The following PRDM11 variants were observed in gnomAD, a reference collection of about 807,000 sequenced individuals.
PRDM11 encodes PR/SET domain 11.
PRDM11 carries 20 observed loss-of-function variants against 97.8 expected under a neutral mutation model. The ratio of observed to expected loss-of-function variants is 0.20; its 90% CI spans 0.14 to 0.30. PRDM11 has a LOEUF of 0.30. PRDM11 is among the 10% of genes least tolerant of loss of function. The probability of loss-of-function intolerance (pLI) is 1.00; values close to 1 mark genes in which losing one functional copy is unlikely to be tolerated. For missense variants in PRDM11, 1,139 were observed against 1,555.2 expected, an observed-to-expected ratio of 0.73 and a Z score of 4.50; for synonymous variants, 599 against 637.7, an observed-to-expected ratio of 0.94 and a Z score of 0.91.
In PRDM11 at chr11:45,167,524, T is replaced by C. The variant is rs549103903; in HGVS notation, c.-6-14237T>C. 7.2e-5 allele frequency among the ~76,000 whole-genome samples: 11 copies of C among 152,310 alleles called. No individual in the cohort carries two copies. The South Asian group carries it at 2.3e-3, about 32-fold the overall frequency. ...GTGTTGCACCAGAAGAACTCAGGGCTGAGGGCTCAGCAGCTTTTGTAGCAA... is the reference window on the plus strand; with the variant it reads ...GTGTTGCACCAGAAGAACTCAGGGCCGAGGGCTCAGCAGCTTTTGTAGCAA... On this transcript the variant is annotated intron_variant, in intron 1 of 7. Transcript: ENST00000683152.
At chr11:45,096,293 A>G (rs567007163) in intron 1 of PRDM11, among the ~76,000 whole-genome samples, 2 of 152,340 alleles carry the variant, frequency 1.3e-5, no homozygotes, top group African/African-American at 4.8e-5. Context: ...GTGGAAATGA[A>G]AGGACTAGAA....
chr11:45,166,988 A>G lies in PRDM11; in HGVS notation c.-6-14773A>G, dbSNP rs570302718. ...CATCTCATTCTTTGTTTACTTCTTTATTGCTCAGCCCAGCTCATTCATATT... is the reference window on the plus strand; with the variant it reads ...CATCTCATTCTTTGTTTACTTCTTTGTTGCTCAGCCCAGCTCATTCATATT... On this transcript the variant is annotated intron_variant, in intron 1 of 7. Coordinates refer to ENST00000683152, the MANE Select transcript of PRDM11 (RefSeq NM_001384648.1). 1.4e-4 allele frequency among the ~76,000 whole-genome samples: 21 copies of G among 152,256 alleles called. No homozygotes were observed. In the South Asian group the frequency reaches 4.4e-3, roughly 32 times the overall value.
intron 1 of PRDM11, among the ~76,000 whole-genome samples, chr11:45,157,517 A>G (rs1418129375): frequency 2.0e-5 from 3 of 152,130 alleles, no homozygotes; most frequent in African/African-American, 7.2e-5. Context: ...TCCGTGGTCC[A>G]GGGGTTGGGG....
chr11:45,183,169 T>G, intron 4 of PRDM11, 46 bp downstream of exon 4: 1 of 1,573,044 alleles, frequency 6.4e-7, no homozygotes, highest in Non-Finnish European at 8.6e-7. Flanking sequence ...CCAAGAAACA[T>G]GGAAGGAAAC....
At chr11:45,100,840 C>T (rs1259015549) in intron 1 of PRDM11, among the ~76,000 whole-genome samples, 2 of 152,148 alleles carry the variant, frequency 1.3e-5, no homozygotes, top group Non-Finnish European at 2.9e-5. Context: ...TGCACAATAA[C>T]CAGCTTGAGG....
chr11:45,150,424 G>A (rs994466972), intron 1 of PRDM11, among the ~76,000 whole-genome samples: 1 of 152,196 alleles, frequency 6.6e-6, no homozygotes, highest in Admixed American at 6.5e-5. Context: ...TTGCACTTGA[G>A]AGTTGCTCAC....
chr11:45,178,047 G>A (rs1384039254), intron 1 of PRDM11, among the ~76,000 whole-genome samples: 2 of 152,094 alleles, frequency 1.3e-5, no homozygotes, highest in Non-Finnish European at 2.9e-5. Context: ...TGCCCACAGG[G>A]GGTGGTTTGC....
At chr11:45,130,987 A>G (rs2135646539) in intron 1 of PRDM11, among the ~76,000 whole-genome samples, 1 of 152,346 alleles carries the variant, frequency 6.6e-6, no homozygotes, top group South Asian at 2.1e-4. Flanking sequence ...AATAGCCAAG[A>G]GTTAGACACA....
At chr11:45,184,728 C>G (rs1019215485) in intron 4 of PRDM11, among the ~76,000 whole-genome samples, 2 of 152,066 alleles carry the variant, frequency 1.3e-5, no homozygotes, top group African/African-American at 4.8e-5. Flanking sequence ...GGAGTAACAA[C>G]AAGATATCCA....
rs1452183606 is a variant in PRDM11 at position 45,227,667 on chromosome 11, T to G, written c.3042T>G (p.Asp1014Glu). 3 of 1,533,700 alleles carry G rather than the reference T, an allele frequency of 2.0e-6. No individual in the cohort carries two copies. Residue 1014 changes from aspartate to glutamate, a missense_variant, in exon 8 of 8, where the codon GAT becomes GAG. Around this residue, in one of 2 missense-constraint regions of PRDM11, gnomAD observed 710 missense variants for 1,044.9 expected, o/e 0.68. Coordinates refer to ENST00000683152, the MANE Select transcript of PRDM11 (RefSeq NM_001384648.1). This position sits in a 1 kb window ranked among gnomAD's most constrained non-coding sequence, Gnocchi z 8.0. ...AGGAGGATATGGTGCAAATATTTGA[T>G]CACCTGGAGGCCATCCCGACCTTTT... ...YGKEDMVQIFDHLEAIPTFSR... is the reference protein window; with the variant it reads ...YGKEDMVQIFEHLEAIPTFSR...
At chr11:45,147,304 G>GGCGCGGCGCGGCGCGGACGCC (rs1554967049) in intron 1 of PRDM11, 2 of 151,758 alleles carry the variant, frequency 1.3e-5, no homozygotes, top group African/African-American at 4.8e-5. Context: ...GGCGGGGCGC[G>GGCGCGGCGCGGCGCGGACGCC]GACGCCGACG....
chr11:45,185,304 C>G (rs535263566), intron 4 of PRDM11, among the ~76,000 whole-genome samples: 1 of 152,138 alleles, frequency 6.6e-6, no homozygotes, highest in Non-Finnish European at 1.5e-5. Context: ...AGTTGGAGAC[C>G]AGGATTACTG....
In PRDM11 at chr11:45,231,373, T is replaced by C. The variant is rs1854396488; in HGVS notation, c.*3214T>C. On this transcript the variant is annotated 3_prime_UTR_variant, in exon 8 of 8. Coordinates refer to ENST00000683152, the MANE Select transcript of PRDM11 (RefSeq NM_001384648.1). Reference sequence around the variant, plus strand: ...CTAGCCCAGGGAGCATATGCTTGGCTAACCTAATCTCCCCTTGATGTGTAT... The same window carrying C: ...CTAGCCCAGGGAGCATATGCTTGGCCAACCTAATCTCCCCTTGATGTGTAT... 6.6e-6 allele frequency: 1 copy of C among 152,100 alleles called. No individual in the cohort carries two copies. The highest frequency in any genetic ancestry group is 1.5e-5 in the Non-Finnish European group (1 of 68,038). The allele number at this position is 152,100 out of a possible 1,614,324, so 9.4% of individuals were successfully genotyped here.
intron 5 of PRDM11, chr11:45,212,465 C>T (rs1440358765): frequency 5.1e-6 from 2 of 392,630 alleles, no homozygotes; most frequent in Admixed American, 3.1e-5. Context: ...TTCTGTCCCC[C>T]AAGATGATGA....
intron 5 of PRDM11, chr11:45,209,069 C>T (rs776248542): frequency 2.2e-6 from 1 of 456,736 alleles, no homozygotes; most frequent in South Asian, 1.5e-5. Flanking sequence ...AGGTGCCCCG[C>T]TCCGTCAAGG....
At chr11:45,203,518 G>A (rs2863163) in intron 4 of PRDM11, among the ~76,000 whole-genome samples, 24 of 151,896 alleles carry the variant, frequency 1.6e-4, no homozygotes, top group African/African-American at 5.6e-4. Flanking sequence ...TAGTGGACTG[G>A]AAGAGAGCTC....
intron 5 of PRDM11, among the ~76,000 whole-genome samples, chr11:45,210,159 G>T (rs533078497): frequency 6.6e-6 from 1 of 152,284 alleles, no homozygotes; most frequent in South Asian, 2.1e-4. Flanking sequence ...TGACTGCTTT[G>T]TTCCTCTATT....
chr11:45,153,514 G>T (rs1470727252), intron 1 of PRDM11, among the ~76,000 whole-genome samples: 1 of 152,236 alleles, frequency 6.6e-6, no homozygotes, highest in African/African-American at 2.4e-5. Context: ...GCCATCTCCT[G>T]GGTGTGAGGC....
intron 1 of PRDM11, among the ~76,000 whole-genome samples, chr11:45,119,429 C>A (rs1447628517): frequency 1.6e-4 from 25 of 151,958 alleles, no homozygotes; most frequent in Admixed American, 1.6e-3. Context: ...AGATCGAGAC[C>A]ATTCTGGCTA....
Sources: gnomAD v4.1 joint callset for allele counts (sites outside exome capture counted in the v4.1 genomes callset) on GRCh38, gnomAD v4.1.1 for gene constraint, gnomAD v4.1.1 regional missense constraint, Gnocchi (gnomAD v3.1) non-coding constraint, MANE v1.5 for transcripts, NCBI Gene and HGNC (gene_info 2026-07-23, HGNC 2026-07-21) for gene names.